Variants in KCTD16 observed in about 807,000 individuals in gnomAD.
The protein encoded by KCTD16 is potassium channel tetramerization domain containing 16.
In KCTD16, 13 loss-of-function variants were observed where a neutral mutation model predicts 33.2. That is an observed-to-expected ratio of 0.39 (90% CI 0.25 to 0.62). The LOEUF (loss-of-function observed/expected upper bound fraction) is 0.62. Among genes scored for constraint, KCTD16 ranks in the 20% least tolerant of loss-of-function variants. The pLI, the probability that KCTD16 is intolerant of heterozygous loss-of-function variation, is 0.50. For synonymous variants in KCTD16, 197 were observed against 195.3 expected, an observed-to-expected ratio of 1.01 and a Z score of -0.07; for missense variants, 441 against 525.1, an observed-to-expected ratio of 0.84 and a Z score of 1.57.
intron 3 of KCTD16, among the ~76,000 whole-genome samples, chr5:144,411,919 A>AT (rs377180816): frequency 1.9e-4 from 29 of 152,310 alleles, no homozygotes; most frequent in African/African-American, 6.0e-4. Context: ...AGGTATATAT[A>AT]AAAAAATTGC....
At position 144,376,688 on chromosome 5, in the gene KCTD16, T is replaced by C. The variant is rs117384529; in HGVS notation, c.833-96972T>C. Among the ~76,000 whole-genome samples the C allele has an allele frequency of 5.1e-4, 77 of 152,342 alleles. 7 individuals are homozygous for C. The East Asian group carries it at 0.013, about 27-fold the overall frequency. On this transcript the variant is annotated intron_variant, in intron 3 of 3. Coordinates refer to ENST00000512467, the MANE Select transcript of KCTD16 (RefSeq NM_020768.4). ...CAATATATAGTAGGATATGAATCCT[T>C]CCTGTGAGTCCTAGATTTCCAGTTA... is the stretch of plus-strand genomic sequence containing the variant.
At chr5:144,415,017 G>A (rs959845740) in intron 3 of KCTD16, among the ~76,000 whole-genome samples, 6 of 152,154 alleles carry the variant, frequency 3.9e-5, no homozygotes, top group Admixed American at 6.5e-5. Context: ...CTGAGACTGA[G>A]TAATTCATAA....
At chr5:144,207,776 A>C (rs1561529472) in intron 3 of KCTD16, among the ~76,000 whole-genome samples, 1 of 152,264 alleles carries the variant, frequency 6.6e-6, no homozygotes. Context: ...AATAAAATGC[A>C]AATGATATTG....
At chr5:144,464,851 T>G (rs563439580) in intron 3 of KCTD16, among the ~76,000 whole-genome samples, 1 of 152,246 alleles carries the variant, frequency 6.6e-6, no homozygotes, top group Admixed American at 6.5e-5. Flanking sequence ...TTTCCCTCTC[T>G]GTTGGGCCCA....
chr5:144,231,407 T>C (rs1412801358), intron 3 of KCTD16, among the ~76,000 whole-genome samples: 4 of 152,156 alleles, frequency 2.6e-5, no homozygotes, highest in African/African-American at 7.2e-5. Flanking sequence ...TAGTGGAGCA[T>C]ATAGATTGAT....
chr5:144,305,866 A>T (rs10052246), intron 3 of KCTD16, among the ~76,000 whole-genome samples: 4 of 152,150 alleles, frequency 2.6e-5, no homozygotes, highest in Non-Finnish European at 5.9e-5. Flanking sequence ...GAGTCCACCT[A>T]TAAGCCAAGG....
rs1300282335 is a variant in KCTD16, at chr5:144,207,391, T to C, written c.677T>C (p.Phe226Ser). Residue 226 changes from phenylalanine to serine, a missense_variant, in exon 3 of 4, where the codon TTT becomes TCT. Transcript: ENST00000512467. ...GCCCCAGAAAGATACACCTCCAGAT[T>C]TTATCTCAAATTCAAGCACCTGGAA... is the stretch of plus-strand genomic sequence containing the variant. ...DRAPERYTSRFYLKFKHLERA... is the reference protein window; with the variant it reads ...DRAPERYTSRSYLKFKHLERA... The C allele has an allele frequency of 1.9e-6, 3 of 1,614,056 alleles. No individual in the cohort carries two copies. The highest frequency in any genetic ancestry group is 1.7e-6 in the Non-Finnish European group (2 of 1,180,032).
chr5:144,446,907 A>G (rs1310651606), intron 3 of KCTD16, among the ~76,000 whole-genome samples: 2 of 152,310 alleles, frequency 1.3e-5, no homozygotes, highest in Middle Eastern at 3.4e-3. Flanking sequence ...TCAGGAAACA[A>G]CAGATGCTGG....
intron 3 of KCTD16, among the ~76,000 whole-genome samples, chr5:144,428,778 C>G (rs1753392826): frequency 1.3e-5 from 2 of 152,148 alleles, no homozygotes; most frequent in African/African-American, 4.8e-5. Context: ...AGAAACACAC[C>G]AGTGACAGAG....
intron 3 of KCTD16, among the ~76,000 whole-genome samples, chr5:144,321,022 A>G (rs1350645401): frequency 6.6e-6 from 1 of 151,904 alleles, no homozygotes; most frequent in African/African-American, 2.4e-5. Flanking sequence ...CACTTGGGTA[A>G]TTTTGTATTT....
intron 3 of KCTD16, among the ~76,000 whole-genome samples, chr5:144,230,725 T>G (rs1004193074): frequency 2.0e-5 from 3 of 152,190 alleles, no homozygotes; most frequent in African/African-American, 7.2e-5. Flanking sequence ...ATGGAACACT[T>G]TTATAATATG....
chr5:144,270,281 A>G (rs972733097), intron 3 of KCTD16, among the ~76,000 whole-genome samples: 20 of 151,976 alleles, frequency 1.3e-4, no homozygotes, highest in Admixed American at 6.6e-4. Context: ...GTGATTGACC[A>G]TATGTTAGGA....
At chr5:144,215,091 T>C (rs1259452285) in intron 3 of KCTD16, among the ~76,000 whole-genome samples, 2 of 152,192 alleles carry the variant, frequency 1.3e-5, no homozygotes, top group African/African-American at 4.8e-5. Context: ...AATAATGTTA[T>C]TTTCTAACTT....
At chr5:144,460,004 T>A (rs2126991566) in intron 3 of KCTD16, among the ~76,000 whole-genome samples, 1 of 151,876 alleles carries the variant, frequency 6.6e-6, no homozygotes, top group Middle Eastern at 3.4e-3. Context: ...GGCTAATTTT[T>A]TGTATTTTTA....
At chr5:144,193,622 C>G (rs1388281283) in intron 2 of KCTD16, among the ~76,000 whole-genome samples, 1 of 151,944 alleles carries the variant, frequency 6.6e-6, no homozygotes, top group South Asian at 2.1e-4. Flanking sequence ...ATCTGTGTGT[C>G]TGGCCTATAA....
intron 3 of KCTD16, among the ~76,000 whole-genome samples, chr5:144,388,592 G>A (rs1416415890): frequency 6.6e-6 from 1 of 152,078 alleles, no homozygotes; most frequent in Non-Finnish European, 1.5e-5. Flanking sequence ...CCCTAGAAAT[G>A]TAATTTATGC....
At chr5:144,418,879 A>G (rs781163017) in intron 3 of KCTD16, among the ~76,000 whole-genome samples, 2 of 152,186 alleles carry the variant, frequency 1.3e-5, no homozygotes, top group Non-Finnish European at 2.9e-5. Flanking sequence ...AAGTATTATG[A>G]GGTCAAGTTA....
chr5:144,388,332 C>T (rs1273888751), intron 3 of KCTD16, among the ~76,000 whole-genome samples: 4 of 151,986 alleles, frequency 2.6e-5, no homozygotes, highest in Admixed American at 1.3e-4. Context: ...CCGCCCACCT[C>T]GGCCTCCCAA....
At chr5:144,394,875 G>A (rs758229880) in intron 3 of KCTD16, among the ~76,000 whole-genome samples, 1 of 152,208 alleles carries the variant, frequency 6.6e-6, no homozygotes, top group Admixed American at 6.5e-5. Context: ...CCCAGTCTTT[G>A]ACCATTCTTT....
Sources: gnomAD v4.1 joint callset for allele counts (sites outside exome capture counted in the v4.1 genomes callset) on GRCh38, gnomAD v4.1.1 for gene constraint, MANE v1.5 for transcripts, NCBI Gene and HGNC (gene_info 2026-07-23, HGNC 2026-07-21) for gene names.